Variants in SFMBT2 observed in about 807,000 individuals in gnomAD.
The protein encoded by SFMBT2 is Scm like with four mbt domains 2, also known as scm-like with four MBT domains protein 2.
In SFMBT2, 38 loss-of-function variants were observed where a neutral mutation model predicts 110.1. That is an observed-to-expected ratio of 0.35 (90% CI 0.27 to 0.45). The LOEUF is 0.45. Ranked by LOEUF, SFMBT2 falls within the 20% of genes least tolerant of loss-of-function variation. The pLI is 1.00. For missense variants in SFMBT2, 1,011 were observed against 1,094.9 expected (o/e 0.92, Z 1.08); for synonymous variants, 425 against 425.4 (o/e 1.00, Z 0.01).
At chr10:7,236,394 CTA>C (rs1419103269) in intron 9 of SFMBT2, among the ~76,000 whole-genome samples, 1 of 151,960 alleles carries the variant, frequency 6.6e-6, no homozygotes, top group Non-Finnish European at 1.5e-5. Context: ...GATATCAAGA[CTA>C]TATTATTATA....
At chr10:7,338,943 T>C (rs1000663659) in intron 4 of SFMBT2, among the ~76,000 whole-genome samples, 2 of 152,132 alleles carry the variant, frequency 1.3e-5, no homozygotes, top group Admixed American at 6.6e-5. Context: ...ATCTTCTATT[T>C]AAAACTGAAT....
At chr10:7,342,163 A>G (rs2131986009) in intron 4 of SFMBT2, among the ~76,000 whole-genome samples, 1 of 152,034 alleles carries the variant, frequency 6.6e-6, no homozygotes, top group Middle Eastern at 3.4e-3. Flanking sequence ...AATACCAGCG[A>G]ATTGGATAGT....
At chr10:7,358,247 C>T (rs558061792) in intron 4 of SFMBT2, among the ~76,000 whole-genome samples, 1 of 151,706 alleles carries the variant, frequency 6.6e-6, no homozygotes, top group Non-Finnish European at 1.5e-5. Context: ...CTGCATGGCC[C>T]TAGAACACCT....
At chr10:7,390,980 A>G (rs1845746637) in intron 1 of SFMBT2, among the ~76,000 whole-genome samples, 1 of 151,962 alleles carries the variant, frequency 6.6e-6, no homozygotes, top group South Asian at 2.1e-4. Context: ...CGTGTCTGTC[A>G]TCCCAGCTAC....
chr10:7,251,470 T>C (rs537582435), intron 7 of SFMBT2, among the ~76,000 whole-genome samples: 5 of 152,194 alleles, frequency 3.3e-5, no homozygotes, highest in Admixed American at 2.6e-4. Context: ...TGAGACTCCA[T>C]CTCAAAAAGT....
At chr10:7,193,506 G>A (rs1310971897) in intron 15 of SFMBT2, among the ~76,000 whole-genome samples, 3 of 152,168 alleles carry the variant, frequency 2.0e-5, no homozygotes, top group Non-Finnish European at 4.4e-5. Flanking sequence ...AGGCTCCATC[G>A]CCCTACCCAG....
At chr10:7,375,952 A>G (rs1845195446) in intron 2 of SFMBT2, among the ~76,000 whole-genome samples, 2 of 152,176 alleles carry the variant, frequency 1.3e-5, no homozygotes, top group Non-Finnish European at 2.9e-5. Context: ...TCCCAAATAG[A>G]AGAGCCTGTG....
At chr10:7,339,607 T>A (rs1843827160) in intron 4 of SFMBT2, among the ~76,000 whole-genome samples, 1 of 152,162 alleles carries the variant, frequency 6.6e-6, no homozygotes, top group Non-Finnish European at 1.5e-5. Context: ...AAGCCTTATA[T>A]CTTACTCTCC....
intron 1 of SFMBT2, among the ~76,000 whole-genome samples, chr10:7,406,850 T>A (rs1158690176): frequency 2.6e-5 from 4 of 152,002 alleles, no homozygotes; most frequent in East Asian, 1.9e-4. Context: ...GCAACACACA[T>A]CAGAACAGAG....
At position 7,222,042 on chromosome 10, in the gene SFMBT2, T is replaced by C. The variant is rs1588354261; in HGVS notation, c.1204-1505A>G. 3.9e-5 allele frequency among the ~76,000 whole-genome samples: 6 copies of C among 152,242 alleles called. No individual in the cohort carries two copies. In the South Asian group the frequency reaches 1.2e-3, roughly 31 times the overall value. On this transcript the variant is annotated intron_variant, in intron 10 of 20. Transcript: ENST00000397167. Reference sequence around the variant, plus strand: ...GAAAATTTTCCTGTATAACTATAGTTCTTAAACTTTAGGATCAGAATCCCC... The same window carrying C: ...GAAAATTTTCCTGTATAACTATAGTCCTTAAACTTTAGGATCAGAATCCCC...
intron 4 of SFMBT2, chr10:7,329,766 A>G (rs531893127): frequency 2.0e-5 from 3 of 152,402 alleles, no homozygotes; most frequent in Admixed American, 6.5e-5. Flanking sequence ...TTGTTCCCCC[A>G]TGACTCAGGT....
chr10:7,182,125 T>C (rs1006485234), intron 16 of SFMBT2, among the ~76,000 whole-genome samples: 1 of 151,996 alleles, frequency 6.6e-6, no homozygotes, highest in Non-Finnish European at 1.5e-5. Context: ...GCAACCTCCA[T>C]CTCCCAGGTT....
At chr10:7,384,952 T>C (rs1196297414) in intron 1 of SFMBT2, among the ~76,000 whole-genome samples, 1 of 152,002 alleles carries the variant, frequency 6.6e-6, no homozygotes, top group Non-Finnish European at 1.5e-5. Context: ...GTTCCAGAGA[T>C]TTCCTCCCAT....
At chr10:7,381,994 T>C (rs1160101569) in intron 1 of SFMBT2, 45 bp from the exon 2 acceptor site, 16 of 1,132,244 alleles carry the variant, frequency 1.4e-5, no homozygotes, top group South Asian at 4.1e-5. Context: ...TTTAATCATA[T>C]TGATTATATT....
intron 11 of SFMBT2, among the ~76,000 whole-genome samples, chr10:7,210,464 A>C (rs1302852538): frequency 6.6e-6 from 1 of 152,200 alleles, no homozygotes; most frequent in Admixed American, 6.5e-5. Context: ...ATGAGGAGGC[A>C]AATGGGTTCC....
chr10:7,372,315 C>A (rs1466430449), intron 2 of SFMBT2, among the ~76,000 whole-genome samples: 1 of 152,166 alleles, frequency 6.6e-6, no homozygotes. Context: ...TTTGTAAAGT[C>A]AGAAGAGCTG....
Position 7,204,423 on chromosome 10 carries a change from C to T in SFMBT2, c.1444+1392G>A, listed in dbSNP as rs1255431748. On this transcript the variant is annotated intron_variant, in intron 12 of 20. Coordinates refer to ENST00000397167, the MANE Select transcript of SFMBT2 (RefSeq NM_001387889.1). ...AATTCCATCAAGAAAATGTCAGAGA[C>T]GGAATCTCTTTAACAGTTAAAACCT... The T allele has an allele frequency of 1.3e-5, 13 of 985,280 alleles. No homozygotes were observed. The South Asian group carries it at 3.3e-4, about 25-fold the overall frequency. The allele number at this position is 985,280 out of a possible 1,614,324, so 61.0% of individuals were successfully genotyped here.
chr10:7,378,100 T>C (rs1200750668), intron 2 of SFMBT2, among the ~76,000 whole-genome samples: 2 of 135,402 alleles, frequency 1.5e-5, no homozygotes, highest in Non-Finnish European at 3.2e-5. Flanking sequence ...TGTGTGTGAG[T>C]GTATGGATGG....
intron 10 of SFMBT2, among the ~76,000 whole-genome samples, chr10:7,220,823 C>CTTCCTTCT (rs1554789055): frequency 2.1e-5 from 3 of 143,114 alleles, no homozygotes; most frequent in Non-Finnish European, 4.5e-5. Flanking sequence ...TGCACCCTTC[C>CTTCCTTCT]TTCTTTTTTT....
Sources: allele counts gnomAD v4.1 joint callset (sites outside exome capture counted in the v4.1 genomes callset), GRCh38; gene constraint gnomAD v4.1.1; transcripts MANE v1.5; gene names NCBI Gene and HGNC (gene_info 2026-07-23, HGNC 2026-07-21).